ITGA1: variants seen among roughly 807,000 people sequenced by gnomAD.
ITGA1 encodes integrin alpha-1.
ITGA1 carries 85 observed loss-of-function variants against 145.9 expected under a neutral mutation model. That is an observed-to-expected ratio of 0.58 (90% confidence interval 0.49 to 0.70). The LOEUF (loss-of-function observed/expected upper bound fraction) is 0.70, where lower values mean the gene tolerates loss of function less well. Among genes scored for constraint, ITGA1 ranks in the 30% least tolerant of loss-of-function variants. ITGA1 has a pLI of 0.00. For synonymous variants in ITGA1, 520 were observed against 495.3 expected (o/e 1.05, Z -0.66); for missense variants, 1,351 against 1,418.7 (o/e 0.95, Z 0.77).
chr5:52,801,484 G>A (rs2111665101), intron 1 of ITGA1: 1 of 1,614,098 alleles, frequency 6.2e-7, no homozygotes, highest in Non-Finnish European at 8.5e-7. Context: ...CCGCCTTTCA[G>A]ACACTAAAGC....
At chr5:52,857,741 C>T (rs1446177551) in intron 2 of ITGA1, among the ~76,000 whole-genome samples, 2 of 152,252 alleles carry the variant, frequency 1.3e-5, no homozygotes, top group Non-Finnish European at 2.9e-5. Context: ...CACTATATTT[C>T]GAGGTGGTAA....
At chr5:52,914,405 G>A (rs1207602369) in intron 14 of ITGA1, among the ~76,000 whole-genome samples, 3 of 152,102 alleles carry the variant, frequency 2.0e-5, no homozygotes, top group African/African-American at 4.8e-5. Flanking sequence ...TTGGGAGGCC[G>A]AGGCAGGCGG....
chr5:52,924,074 T>G (rs914861362), intron 18 of ITGA1, among the ~76,000 whole-genome samples: 3 of 152,006 alleles, frequency 2.0e-5, no homozygotes, highest in Admixed American at 6.6e-5. Context: ...AGAGGGAGGG[T>G]GTCACTAGCG....
At chr5:52,914,123 ATGG>A (rs1750606161) in intron 14 of ITGA1, among the ~76,000 whole-genome samples, 1 of 152,252 alleles carries the variant, frequency 6.6e-6, no homozygotes, top group Admixed American at 6.5e-5. Flanking sequence ...TGTTTTCTAA[ATGG>A]TGGTAAATCA....
chr5:52,849,588 A>T, intron 2 of ITGA1, 103 bp downstream of exon 2: 1 of 1,062,920 alleles, frequency 9.4e-7, no homozygotes, highest in Middle Eastern at 3.4e-4. Context: ...TAACAGAATG[A>T]ATTATTTATG....
intron 8 of ITGA1, among the ~76,000 whole-genome samples, chr5:52,891,758 A>AT (rs1022277534): frequency 2.6e-4 from 39 of 151,970 alleles, no homozygotes; most frequent in Non-Finnish European, 4.3e-4. Context: ...ATTTTTTCAC[A>AT]TTTTTTATGC....
rs888204034 is a variant in ITGA1 at position 52,881,878 on chromosome 5, A to G, written c.630A>G (p.Gly210=). Residue 210 remains glycine, a synonymous_variant, in exon 7 of 29, where the codon GGA becomes GGG. Coordinates refer to ENST00000282588, the MANE Select transcript of ITGA1 (RefSeq NM_181501.2). ...ACAGTGGCTTGGTATTTCAGGTTGG[A>G]ATTGTACAGTATGGAGAAAACGTGA... ...MDIGPKQTQV[G]IVQYGENVTH... is the part of the protein sequence containing the mutation. The G allele has an allele frequency of 1.9e-6, 3 of 1,610,060 alleles. No individual in the cohort carries two copies. The African/African-American group carries it at 4.0e-5, about 22-fold the overall frequency.
At chr5:52,854,688 G>A (rs1275258981) in intron 2 of ITGA1, among the ~76,000 whole-genome samples, 1 of 152,172 alleles carries the variant, frequency 6.6e-6, no homozygotes, top group Non-Finnish European at 1.5e-5. Context: ...ACTATCTTTT[G>A]CAGGGAAGAA....
At chr5:52,853,362 G>A (rs1220624189) in intron 2 of ITGA1, among the ~76,000 whole-genome samples, 3 of 152,232 alleles carry the variant, frequency 2.0e-5, no homozygotes, top group South Asian at 4.1e-4. Flanking sequence ...GACTTACTTC[G>A]AGAAATGTGC....
intron 1 of ITGA1, chr5:52,824,820 A>G (rs1159984014): frequency 6.6e-6 from 1 of 152,220 alleles, no homozygotes; most frequent in East Asian, 1.9e-4. Context: ...AGAATTCTAT[A>G]TATTATTTGT....
At chr5:52,947,253 A>G (rs192722568) in intron 27 of ITGA1, 92 bp from the exon 28 acceptor site, 21 of 736,818 alleles carry the variant, frequency 2.9e-5, no homozygotes, top group Non-Finnish European at 7.3e-6. Flanking sequence ...AGATTAATGC[A>G]CTGGTAGAGA....
intron 18 of ITGA1, among the ~76,000 whole-genome samples, chr5:52,923,572 G>A (rs558477267): frequency 6.6e-6 from 1 of 152,194 alleles, no homozygotes; most frequent in South Asian, 2.1e-4. Flanking sequence ...GGTAACATTA[G>A]GAAAAAGCTT....
rs572527711 is a variant in ITGA1 at position 52,877,161 on chromosome 5, A to G, written c.625-4712A>G. On this transcript the variant is annotated intron_variant, in intron 6 of 28. Transcript: ENST00000282588. The stretch of plus-strand genomic sequence containing the variant: ...TAAAGTATATTTCGAAGTCATTGAT[A>G]CAGGCAATGGAGAGTTATTGGAGGT... 1.5e-3 allele frequency among the ~76,000 whole-genome samples: 233 copies of G among 152,342 alleles called. 2 individuals are homozygous for G. Among genetic ancestry groups the G allele is most frequent in the African/African-American group, 5.1e-3 (210 of 41,568 alleles).
chr5:52,950,628 C>G (rs149209868), intron 28 of ITGA1, among the ~76,000 whole-genome samples: 1 of 152,324 alleles, frequency 6.6e-6, no homozygotes, highest in East Asian at 1.9e-4. Context: ...AAGCTATAAA[C>G]TATTTTCTCC....
At chr5:52,926,322 G>C (rs979112759) in intron 19 of ITGA1, among the ~76,000 whole-genome samples, 10 of 152,068 alleles carry the variant, frequency 6.6e-5, no homozygotes, top group African/African-American at 2.4e-4. Context: ...TTAATTACAG[G>C]CTGGGCATGG....
intron 20 of ITGA1, 101 bp downstream of exon 20, chr5:52,927,765 G>A (rs187435767): frequency 5.2e-6 from 4 of 767,046 alleles, no homozygotes; most frequent in South Asian, 3.9e-5. Flanking sequence ...AGGATAATAC[G>A]GATGAAAAAT....
intron 12 of ITGA1, among the ~76,000 whole-genome samples, chr5:52,908,426 A>G (rs1056428539): frequency 6.6e-6 from 1 of 152,186 alleles, no homozygotes; most frequent in African/African-American, 2.4e-5. Context: ...AGGCTTAACC[A>G]TTTCATTGAG....
chr5:52,825,411 T>G (rs1463297702), intron 1 of ITGA1, among the ~76,000 whole-genome samples: 2 of 152,202 alleles, frequency 1.3e-5, no homozygotes, highest in Non-Finnish European at 2.9e-5. Context: ...TGTGTCTCTA[T>G]GTCACATTTT....
intron 1 of ITGA1, chr5:52,803,140 T>G (rs1335975030): frequency 6.6e-6 from 1 of 152,226 alleles, no homozygotes; most frequent in East Asian, 1.9e-4. Context: ...TTCCTGTGTC[T>G]GTGGGCCTTC....
Sources: gnomAD v4.1 joint callset for allele counts (sites outside exome capture counted in the v4.1 genomes callset) on GRCh38, gnomAD v4.1.1 for gene constraint, MANE v1.5 for transcripts, NCBI Gene and HGNC (gene_info 2026-07-23, HGNC 2026-07-21) for gene names.